Variants in ZNF366 observed in about 807,000 individuals in gnomAD.
ZNF366 encodes the protein dendritic cell-specific transcript protein.
A neutral mutation model predicts 47.2 loss-of-function variants in ZNF366; 20 were observed. That is an observed-to-expected ratio of 0.42 (90% CI 0.30 to 0.62). The LOEUF is 0.62. Among genes scored for constraint, ZNF366 ranks in the 20% least tolerant of loss-of-function variants. The probability of loss-of-function intolerance (pLI) is 0.16; values close to 1 mark genes in which losing one functional copy is unlikely to be tolerated. For missense variants in ZNF366, 987 were observed against 976.3 expected, an observed-to-expected ratio of 1.01 and a Z score of -0.15; for synonymous variants, 421 against 395.1, an observed-to-expected ratio of 1.07 and a Z score of -0.78.
chr5:72,459,323 A>G (rs977138486), intron 2 of ZNF366, among the ~76,000 whole-genome samples: 36 of 152,282 alleles, frequency 2.4e-4, no homozygotes, highest in African/African-American at 7.0e-4. Context: ...TAAGGGTGTG[A>G]GAGTGGGAGT....
At chr5:72,459,844 T>C (rs2094246161) in intron 2 of ZNF366, among the ~76,000 whole-genome samples, 2 of 152,224 alleles carry the variant, frequency 1.3e-5, no homozygotes, top group Non-Finnish European at 2.9e-5. Context: ...ATGAAGTTTC[T>C]AGAAACCGAA....
At chr5:72,499,862 C>A (rs1363560470) in intron 1 of ZNF366, among the ~76,000 whole-genome samples, 1 of 152,140 alleles carries the variant, frequency 6.6e-6, no homozygotes. Flanking sequence ...ATGCCATGGG[C>A]TCCATCCAGG....
intron 1 of ZNF366, among the ~76,000 whole-genome samples, chr5:72,489,572 C>A (rs1268559428): frequency 6.6e-6 from 1 of 152,204 alleles, no homozygotes; most frequent in Non-Finnish European, 1.5e-5. Flanking sequence ...CCCCTCTTAC[C>A]AAATTTCTCT....
At chr5:72,505,217 A>G (rs1029307607) in intron 1 of ZNF366, among the ~76,000 whole-genome samples, 1 of 152,200 alleles carries the variant, frequency 6.6e-6, no homozygotes, top group Non-Finnish European at 1.5e-5. Flanking sequence ...ACACACTGGA[A>G]GTTTCCACAA....
At chr5:72,494,726 C>T (rs1388022363) in intron 1 of ZNF366, among the ~76,000 whole-genome samples, 1 of 151,402 alleles carries the variant, frequency 6.6e-6, no homozygotes, top group Non-Finnish European at 1.5e-5. Context: ...TGCACTGAGA[C>T]TGAAGTTGGG....
rs1228032574 is a variant in ZNF366 at position 72,442,149 on chromosome 5, A to G, written c.*1607T>C. On this transcript the variant is annotated 3_prime_UTR_variant, in exon 5 of 5. Transcript: ENST00000318442. ...TATAGACTGTGTGTGTCCGCTCATA[A>G]GGCTCTTACAGACAGGTAAGAAAGC... is the stretch of plus-strand genomic sequence containing the variant. 1 of 152,226 alleles carries G rather than the reference A, an allele frequency of 6.6e-6. No homozygotes were observed. The highest frequency in any genetic ancestry group is 1.5e-5 in the Non-Finnish European group (1 of 68,042). 9.4% of individuals were successfully genotyped at this position (152,226 alleles called of 1,614,324 possible).
intron 1 of ZNF366, among the ~76,000 whole-genome samples, chr5:72,462,204 T>G (rs1743329213): frequency 6.6e-6 from 1 of 152,186 alleles, no homozygotes; most frequent in African/African-American, 2.4e-5. Flanking sequence ...AACATGATTT[T>G]AAAAAGCATA....
rs1742915394 is a variant in ZNF366, at chr5:72,444,219, A to G, written c.1772T>C (p.Phe591Ser). 1 of 1,613,366 alleles carries G rather than the reference A, an allele frequency of 6.2e-7. No homozygotes were observed. Among genetic ancestry groups the G allele is most frequent in the Non-Finnish European group, 8.5e-7 (1 of 1,180,040 alleles). ...GGCCCGGCGCTTCTGAGAGAGGTCAAAGGGCTCCTCCTGCTCCAGACTCCT... is the reference window on the plus strand; with the variant it reads ...GGCCCGGCGCTTCTGAGAGAGGTCAGAGGGCTCCTCCTGCTCCAGACTCCT... ...VLRSLEQEEP[F>S]DLSQKRRAKV... Residue 591 changes from phenylalanine to serine, a missense_variant, in exon 5 of 5, where the codon TTT becomes TCT. Around this residue, in one of 3 missense-constraint regions of ZNF366, gnomAD observed 285 missense variants for 234.8 expected, o/e 1.21. Coordinates refer to ENST00000318442, the MANE Select transcript of ZNF366 (RefSeq NM_152625.3).
At chr5:72,499,942 G>A (rs1744181484) in intron 1 of ZNF366, among the ~76,000 whole-genome samples, 1 of 152,134 alleles carries the variant, frequency 6.6e-6, no homozygotes, top group African/African-American at 2.4e-5. Flanking sequence ...GCTCTCTTCC[G>A]GCGCTGCTTC....
intron 3 of ZNF366, among the ~76,000 whole-genome samples, chr5:72,450,606 A>T (rs971805508): frequency 1.3e-5 from 2 of 152,182 alleles, no homozygotes; most frequent in Non-Finnish European, 2.9e-5. Context: ...TAGTTTTCAA[A>T]CTAAACTCCT....
intron 1 of ZNF366, among the ~76,000 whole-genome samples, chr5:72,482,535 G>A (rs1418029805): frequency 6.6e-6 from 1 of 152,112 alleles, no homozygotes; most frequent in Non-Finnish European, 1.5e-5. Flanking sequence ...AACCATCTAT[G>A]AGCCCTAAAG....
At chr5:72,449,584 A>G (rs1743023102) in intron 3 of ZNF366, among the ~76,000 whole-genome samples, 1 of 152,196 alleles carries the variant, frequency 6.6e-6, no homozygotes, top group Non-Finnish European at 1.5e-5. Context: ...ATTTCCAGTC[A>G]CGGGTCATTT....
chr5:72,497,982 C>T (rs1352765233), intron 1 of ZNF366, among the ~76,000 whole-genome samples: 1 of 151,974 alleles, frequency 6.6e-6, no homozygotes, highest in African/African-American at 2.4e-5. Context: ...GTTGCAAATG[C>T]TTCCTCCATT....
intron 3 of ZNF366, among the ~76,000 whole-genome samples, chr5:72,453,513 C>T (rs1268058574): frequency 1.3e-5 from 2 of 152,264 alleles, no homozygotes; most frequent in Non-Finnish European, 1.5e-5. Flanking sequence ...CAACAACCTT[C>T]AACCAAGGCC....
chr5:72,456,109 C>T (rs73104481), intron 3 of ZNF366, among the ~76,000 whole-genome samples: 6,933 of 152,256 alleles, frequency 0.046, 494 homozygotes, highest in African/African-American at 0.15. Context: ...TAACAGCCTC[C>T]TTCTCCAAAA....
At chr5:72,484,407 C>T (rs1055989961) in intron 1 of ZNF366, among the ~76,000 whole-genome samples, 1 of 148,868 alleles carries the variant, frequency 6.7e-6, no homozygotes, top group Non-Finnish European at 1.5e-5. Flanking sequence ...TGGCGTGAAC[C>T]CGGGAGGCGG....
chr5:72,445,544 G>A (rs2112313965), intron 4 of ZNF366, among the ~76,000 whole-genome samples: 1 of 152,292 alleles, frequency 6.6e-6, no homozygotes, highest in South Asian at 2.1e-4. Context: ...CTTTGTAGAT[G>A]AAAACACTGA....
rs768042953 is a variant in ZNF366 at position 72,461,293 on chromosome 5, G to A, written c.204C>T (p.Pro68=). ...TAGACCCTGCTCCTTCGAAGACCCC[G>A]GGGAACCCATCTAGGTCTCCTGGGG... The part of the protein sequence containing the change: ...EPPPGDLDGF[P]GVFEGAGSRK... Residue 68 remains proline (P), a synonymous_variant, in exon 2 of 5, where the codon CCC becomes CCT. Transcript: ENST00000318442. 11 of 1,613,920 alleles carry A rather than the reference G, an allele frequency of 6.8e-6. No individual in the cohort carries two copies. Among genetic ancestry groups the A allele is most frequent in the Non-Finnish European group, 9.3e-6 (11 of 1,180,006 alleles).
chr5:72,499,024 A>G (rs1744161998), intron 1 of ZNF366, among the ~76,000 whole-genome samples: 1 of 152,328 alleles, frequency 6.6e-6, no homozygotes, highest in East Asian at 1.9e-4. Context: ...AAATAGTGGG[A>G]TGTGTCTGAA....
Sources: gnomAD v4.1 joint callset for allele counts (sites outside exome capture counted in the v4.1 genomes callset) on GRCh38, gnomAD v4.1.1 for gene constraint, gnomAD v4.1.1 regional missense constraint, MANE v1.5 for transcripts, NCBI Gene and HGNC (gene_info 2026-07-23, HGNC 2026-07-21) for gene names.